Variants in TASP1 observed in about 807,000 individuals in gnomAD.
The protein encoded by TASP1 is threonine aspartase 1.
Under a neutral mutation model 56.6 loss-of-function variants are expected in TASP1, and 16 were observed. That is an observed-to-expected ratio of 0.28 (90% CI 0.19 to 0.43). The LOEUF is 0.43. Among genes scored for constraint, TASP1 ranks in the 20% least tolerant of loss-of-function variants. TASP1 has a pLI of 1.00. For missense variants in TASP1, 393 were observed against 511.6 expected, an observed-to-expected ratio of 0.77 and a Z score of 2.24; for synonymous variants, 179 against 184.2, an observed-to-expected ratio of 0.97 and a Z score of 0.23.
At chr20:13,255,147 A>C in the TASP1 span, among the ~76,000 whole-genome samples, 1 of 152,222 alleles carries the variant, frequency 6.6e-6, no homozygotes, top group African/African-American at 2.4e-5. Flanking sequence ...GGGAAAGAAC[A>C]CTGGTTATAT....
chr20:13,262,382 G>C, the TASP1 span, among the ~76,000 whole-genome samples: 1 of 152,096 alleles, frequency 6.6e-6, no homozygotes, highest in Non-Finnish European at 1.5e-5. Context: ...TTATCAAAGT[G>C]GTTCTGGAAA....
chr20:13,497,564 T>C (rs760333607), intron 10 of TASP1, among the ~76,000 whole-genome samples: 3 of 152,152 alleles, frequency 2.0e-5, no homozygotes, highest in South Asian at 2.1e-4. Context: ...TAAAGAGATA[T>C]CTGGAGTTTT....
the TASP1 span, among the ~76,000 whole-genome samples, chr20:13,264,612 C>G: frequency 6.6e-6 from 1 of 152,200 alleles, no homozygotes; most frequent in African/African-American, 2.4e-5. Context: ...TCTGGCCATT[C>G]TGACCACTCT....
At chr20:13,379,508 T>A in the TASP1 span, among the ~76,000 whole-genome samples, 2 of 152,258 alleles carry the variant, frequency 1.3e-5, no homozygotes, top group Non-Finnish European at 2.9e-5. Flanking sequence ...ACCCTTAATA[T>A]TTTTTCCTTC....
intron 4 of TASP1, among the ~76,000 whole-genome samples, chr20:13,597,854 G>C (rs1347545554): frequency 2.6e-5 from 4 of 152,176 alleles, no homozygotes; most frequent in Admixed American, 2.0e-4. Flanking sequence ...CAAAATCAAT[G>C]TGCAAAAATC....
At position 13,578,511 on chromosome 20, in the gene TASP1, C is replaced by T. The variant is rs553032530; in HGVS notation, c.488+2386G>A. Among the ~76,000 whole-genome samples, 20 of 152,088 alleles carry T rather than the reference C, an allele frequency of 1.3e-4. No individual in the cohort carries two copies. The East Asian group carries it at 3.7e-3, about 28-fold the overall frequency. ...TCTTCACTTGTCATATGTTTCAATA[C>T]TTAGCTTTATTTTTTATCTTAATAT... On this transcript the variant is annotated intron_variant, in intron 6 of 13. Transcript: ENST00000337743.
chr20:13,342,492 A>AG, the TASP1 span, among the ~76,000 whole-genome samples: 11 of 152,290 alleles, frequency 7.2e-5, no homozygotes, highest in African/African-American at 2.6e-4. Flanking sequence ...GGGACACAGG[A>AG]GGCCACCTTG....
intron 7 of TASP1, among the ~76,000 whole-genome samples, chr20:13,565,006 C>CAAAAAAAAAAAAAAAAAAAAAAAAAA (rs758976806): frequency 3.2e-5 from 2 of 61,986 alleles, no homozygotes; most frequent in South Asian, 9.7e-4. Context: ...GACTCCATCT[C>CAAAAAAAAAAAAAAAAAAAAAAAAAA]AAAAAAAAAA....
intron 10 of TASP1, among the ~76,000 whole-genome samples, chr20:13,506,740 C>T (rs903894836): frequency 3.3e-5 from 5 of 152,060 alleles, no homozygotes; most frequent in African/African-American, 1.2e-4. Flanking sequence ...GTACAGAATG[C>T]ACCTCAACAC....
At chr20:13,401,519 T>C (rs543264207) in intron 13 of TASP1, among the ~76,000 whole-genome samples, 1 of 152,194 alleles carries the variant, frequency 6.6e-6, no homozygotes, top group Non-Finnish European at 1.5e-5. Flanking sequence ...ACCCATTTAA[T>C]AAAATAATGT....
chr20:13,401,360 C>T (rs1408312712), intron 13 of TASP1, among the ~76,000 whole-genome samples: 1 of 151,928 alleles, frequency 6.6e-6, no homozygotes. Flanking sequence ...ATCTACGCAC[C>T]ATCCTAACTC....
chr20:13,415,796 A>C (rs750079564), intron 13 of TASP1, among the ~76,000 whole-genome samples: 4 of 152,156 alleles, frequency 2.6e-5, no homozygotes, highest in Non-Finnish European at 4.4e-5. Flanking sequence ...TAATAACATA[A>C]TCATACCCCA....
rs527443827 is a variant in TASP1, at chr20:13,460,241, G to A, written c.985+22986C>T. On this transcript the variant is annotated intron_variant, in intron 11 of 13. Transcript: ENST00000337743. ...ATCGGAAGAGTCTGACCTGCTGATC[G>A]TGCTTTGCTGCTTTCTAGCACTTAC... 3.0e-4 allele frequency among the ~76,000 whole-genome samples: 45 copies of A among 152,216 alleles called. No homozygotes were observed. The South Asian group carries it at 7.3e-3, about 25-fold the overall frequency.
At chr20:13,629,307 T>C (rs1177922475) in intron 2 of TASP1, among the ~76,000 whole-genome samples, 1 of 141,198 alleles carries the variant, frequency 7.1e-6, no homozygotes, top group African/African-American at 2.7e-5. Flanking sequence ...GAGGCTGCAG[T>C]GAGCCAAGAT....
At chr20:13,166,884 C>T in the TASP1 span, 4 of 152,144 alleles carry the variant, frequency 2.6e-5, no homozygotes, top group African/African-American at 9.7e-5. Flanking sequence ...GATATTGGGT[C>T]TAATTCATTG....
chr20:13,193,230 A>T, the TASP1 span, among the ~76,000 whole-genome samples: 1 of 152,226 alleles, frequency 6.6e-6, no homozygotes, highest in Non-Finnish European at 1.5e-5. Context: ...AATTACAAAC[A>T]TGACAGCTGT....
chr20:13,319,069 G>T, the TASP1 span, among the ~76,000 whole-genome samples: 1 of 152,168 alleles, frequency 6.6e-6, no homozygotes, highest in Non-Finnish European at 1.5e-5. Context: ...ACAAATGCAT[G>T]ACTCTAGTGG....
At chr20:13,152,441 G>A in the TASP1 span, among the ~76,000 whole-genome samples, 38 of 152,212 alleles carry the variant, frequency 2.5e-4, no homozygotes, top group African/African-American at 7.9e-4. Context: ...CAGCAGGGAC[G>A]TCCAAAAAAA....
intron 8 of TASP1, among the ~76,000 whole-genome samples, chr20:13,538,523 A>C (rs1416692269): frequency 6.6e-6 from 1 of 152,240 alleles, no homozygotes; most frequent in East Asian, 1.9e-4. Flanking sequence ...TGAGAGCAGC[A>C]TTATAACTGG....
Sources: gnomAD v4.1 joint callset for allele counts (sites outside exome capture counted in the v4.1 genomes callset) on GRCh38, gnomAD v4.1.1 for gene constraint, MANE v1.5 for transcripts, NCBI Gene and HGNC (gene_info 2026-07-23, HGNC 2026-07-21) for gene names.